The following QSOX1 variants were observed in gnomAD, a reference collection of about 807,000 sequenced individuals.
The protein encoded by QSOX1 is quiescin sulfhydryl oxidase 1, also known as sulfhydryl oxidase 1.
Under a neutral mutation model 76.1 loss-of-function variants are expected in QSOX1, and 40 were observed. The observed-to-expected ratio is 0.53, with a 90% confidence interval of 0.41 to 0.68. QSOX1 has a LOEUF of 0.68. Ranked by LOEUF, QSOX1 falls within the 30% of genes least tolerant of loss-of-function variation. The probability of loss-of-function intolerance (pLI) is 0.00; values close to 1 mark genes in which losing one functional copy is unlikely to be tolerated. For missense variants in QSOX1, 931 were observed against 974.3 expected, an observed-to-expected ratio of 0.96 and a Z score of 0.59; for synonymous variants, 392 against 413.1, an observed-to-expected ratio of 0.95 and a Z score of 0.62.
intron 2 of QSOX1, among the ~76,000 whole-genome samples, chr1:180,174,448 C>T (rs1042741087): frequency 2.6e-5 from 4 of 152,232 alleles, no homozygotes; most frequent in Non-Finnish European, 5.9e-5. Flanking sequence ...TCAAGAGAAC[C>T]TGTTCTGGAG....
At position 180,182,301 on chromosome 1, in the gene QSOX1, C is replaced by CT; in HGVS notation, c.735dup (p.Val246CysfsTer39). 2 of 1,614,220 alleles carry CT rather than the reference C, an allele frequency of 1.2e-6. No homozygotes were observed. Among genetic ancestry groups the CT allele is most frequent in the East Asian group, 4.5e-5 (2 of 44,882 alleles). ...TGCTACCTGCTGTTCCGGAATGGCTCTGTCTCCCGAGTCCCCGTGTGAGTA... is the reference window on the plus strand; with the variant it reads ...TGCTACCTGCTGTTCCGGAATGGCTCTTGTCTCCCGAGTCCCCGTGTGAGTA... On this transcript the variant is annotated frameshift_variant, in exon 6 of 12. Coordinates refer to ENST00000367602, the MANE Select transcript of QSOX1 (RefSeq NM_002826.5). LOFTEE classifies it high-confidence loss of function.
intron 8 of QSOX1, among the ~76,000 whole-genome samples, chr1:180,187,462 T>G (rs1255851731): frequency 6.6e-6 from 1 of 152,136 alleles, no homozygotes; most frequent in Non-Finnish European, 1.5e-5. Flanking sequence ...CCCAGCATGC[T>G]TTCCCGGCAT....
chr1:180,184,040 T>G lies in QSOX1; in HGVS notation c.877T>G (p.Leu293Val). ...CAAGATAGCTCCCACTGTTTGGAAA[T>G]TGGCAGATCGGTAAGGCTACGCCTG... ...ANKIAPTVWK[L>V]ADRSKIYMAD... Residue 293 changes from leucine to valine, a missense_variant, in exon 7 of 12, where the codon TTG becomes GTG. Leu to Val is a conservative substitution (Grantham distance 32, BLOSUM62 1). Coordinates refer to ENST00000367602, the MANE Select transcript of QSOX1 (RefSeq NM_002826.5). The G allele has an allele frequency of 1.2e-6, 2 of 1,614,156 alleles. No homozygotes were observed.
chr1:180,179,501 A>C (rs1662976996), intron 5 of QSOX1, among the ~76,000 whole-genome samples: 1 of 152,256 alleles, frequency 6.6e-6, no homozygotes, highest in Admixed American at 6.5e-5. Context: ...CAAATGCAGC[A>C]GTTTATGTAA....
intron 5 of QSOX1, among the ~76,000 whole-genome samples, chr1:180,179,955 G>C (rs1345120163): frequency 6.6e-6 from 1 of 152,210 alleles, no homozygotes; most frequent in Non-Finnish European, 1.5e-5. Context: ...ATTGGAATCA[G>C]GTCTTTTCCC....
At chr1:180,163,167 C>G (rs934148403) in intron 1 of QSOX1, among the ~76,000 whole-genome samples, 1 of 151,830 alleles carries the variant, frequency 6.6e-6, no homozygotes, top group African/African-American at 2.4e-5. Flanking sequence ...ATAAGTTAGC[C>G]CATTCGACCA....
At position 180,182,238 on chromosome 1, in the gene QSOX1, A is replaced by G. The variant is rs773645175; in HGVS notation, c.671A>G (p.Asn224Ser). The G allele has an allele frequency of 8.6e-5, 139 of 1,614,112 alleles. No individual in the cohort carries two copies. Among genetic ancestry groups the G allele is most frequent in the African/African-American group, 2.1e-4 (16 of 74,930 alleles). The part of the protein sequence containing the change: ...AVRRVLNTEA[N>S]VVRKFGVTDF... ...CGCAGGGTGCTGAACACAGAGGCCA[A>G]TGTGGTGAGAAAGTTTGGTGTCACC... Residue 224 changes from asparagine (N) to serine (S), a missense_variant, in exon 6 of 12, where the codon AAT becomes AGT. By Grantham distance (46) the Asn-to-Ser change is conservative (BLOSUM62 1). Transcript: ENST00000367602.
chr1:180,175,555 G>A (rs193002172), intron 3 of QSOX1, among the ~76,000 whole-genome samples, 189 bp downstream of exon 3: 1 of 152,348 alleles, frequency 6.6e-6, no homozygotes, highest in East Asian at 1.9e-4. Context: ...AAGGCAGGAT[G>A]AAGAAGCCCT....
chr1:180,187,359 A>T (rs781357159), intron 8 of QSOX1, among the ~76,000 whole-genome samples: 1 of 152,214 alleles, frequency 6.6e-6, no homozygotes, highest in Non-Finnish European at 1.5e-5. Flanking sequence ...CTCACAGTGC[A>T]GAGGCCTGGG....
chr1:180,182,419 T>G, intron 6 of QSOX1, 100 bp downstream of exon 6: 17 of 1,489,498 alleles, frequency 1.1e-5, no homozygotes, highest in Non-Finnish European at 1.6e-5. Context: ...GGCCAACATG[T>G]TCTTTCTGAA....
rs1454561761 is a variant in QSOX1 at position 180,189,783 on chromosome 1, A to G, written c.1140+109A>G. ...CTTCGCCAGTTTGCACCAGGGAGTC[A>G]GTGATCTTCGTTGGGTCCTAACAAT... On this transcript the variant is annotated intron_variant, in intron 9 of 11. Transcript: ENST00000367602. 14 of 1,319,866 alleles carry G rather than the reference A, an allele frequency of 1.1e-5. 2 individuals carry two copies. The South Asian group carries it at 1.9e-4, about 18-fold the overall frequency. The allele number at this position is 1,319,866 out of a possible 1,614,324, so 81.8% of individuals were successfully genotyped here.
At chr1:180,167,486 A>G (rs537293534) in intron 2 of QSOX1, among the ~76,000 whole-genome samples, 2 of 152,174 alleles carry the variant, frequency 1.3e-5, no homozygotes, top group Non-Finnish European at 2.9e-5. Context: ...CCAAGTTTCA[A>G]GCAGAACTGT....
At chr1:180,175,690 G>A (rs983701605) in intron 3 of QSOX1, among the ~76,000 whole-genome samples, 2 of 152,186 alleles carry the variant, frequency 1.3e-5, no homozygotes, top group African/African-American at 4.8e-5. Flanking sequence ...AAGTCCTGAC[G>A]ACTCCCAGTT....
intron 1 of QSOX1, among the ~76,000 whole-genome samples, chr1:180,155,568 G>C (rs1662358878): frequency 6.6e-6 from 1 of 152,124 alleles, no homozygotes; most frequent in Admixed American, 6.5e-5. Context: ...CTCGTCCAGG[G>C]ACCCATGTCA....
At position 180,182,263 on chromosome 1, in the gene QSOX1, C is replaced by G; in HGVS notation, c.696C>G (p.Thr232=). The change falls in exon 6 of 12, where the codon ACC becomes ACG. Residue 232 remains threonine (T), a synonymous_variant. Transcript: ENST00000367602. ...ATGTGGTGAGAAAGTTTGGTGTCAC[C>G]GACTTCCCCTCTTGCTACCTGCTGT... ...EANVVRKFGV[T]DFPSCYLLFR... is the part of the protein sequence containing the mutation. 6.2e-7 allele frequency: 1 copy of G among 1,614,206 alleles called. No individual in the cohort carries two copies. Among genetic ancestry groups the G allele is most frequent in the Non-Finnish European group, 8.5e-7 (1 of 1,180,042 alleles).
rs1663622537 is a variant in QSOX1 at position 180,200,867 on chromosome 1, A to G, written c.*3830A>G. ...GTTACACACTTTCCTGAGACTTTAT[A>G]TGGTGGTGCTGCTGGGTGCCAGCCC... On this transcript the variant is annotated 3_prime_UTR_variant, in exon 12 of 12. Transcript: ENST00000367602. 6.6e-6 allele frequency: 1 copy of G among 152,124 alleles called. No homozygotes were observed. Among genetic ancestry groups the G allele is most frequent in the South Asian group, 2.1e-4 (1 of 4,818 alleles). 9.4% of individuals were successfully genotyped at this position (152,124 alleles called of 1,614,324 possible).
rs942417257 is a variant in QSOX1, at chr1:180,195,000, G to GA, written c.1468+608_1468+609insA. On this transcript the variant is annotated intron_variant, in intron 11 of 11. Coordinates refer to ENST00000367602, the MANE Select transcript of QSOX1 (RefSeq NM_002826.5). ...CACGTGGCTGTGACAGCCTCCCGGG[G>GA]GGGGGAGACCAGGGCGGAGCCGAGG... Among the ~76,000 whole-genome samples the GA allele has an allele frequency of 5.6e-4, 84 of 151,318 alleles. 6 individuals carry two copies. The South Asian group carries it at 0.016, about 30-fold the overall frequency.
At chr1:180,162,974 A>C (rs1435421397) in intron 1 of QSOX1, among the ~76,000 whole-genome samples, 2 of 152,220 alleles carry the variant, frequency 1.3e-5, no homozygotes, top group African/African-American at 2.4e-5. Context: ...CATCTTGATG[A>C]AACAAAGGAT....
chr1:180,190,086 G>T (rs149843815), intron 9 of QSOX1, among the ~76,000 whole-genome samples: 10 of 152,342 alleles, frequency 6.6e-5, no homozygotes, highest in African/African-American at 2.4e-4. Flanking sequence ...CACCTTCTGG[G>T]CTCCTGCTCA....
Sources: gnomAD v4.1 joint callset for allele counts (sites outside exome capture counted in the v4.1 genomes callset) on GRCh38, gnomAD v4.1.1 for gene constraint, MANE v1.5 for transcripts, NCBI Gene and HGNC (gene_info 2026-07-23, HGNC 2026-07-21) for gene names.